Variants in IL1RAPL2 observed in about 807,000 individuals in gnomAD.
IL1RAPL2 encodes X-linked interleukin-1 receptor accessory protein-like 2.
Under a neutral mutation model 44.1 loss-of-function variants are expected in IL1RAPL2, and 3 were observed. That is an observed-to-expected ratio of 0.07 (90% CI 0.03 to 0.18). The LOEUF is 0.18. IL1RAPL2 is among the 10% of genes least tolerant of loss of function. The pLI is 1.00. For synonymous variants in IL1RAPL2, 181 were observed against 178.8 expected (o/e 1.01, Z -0.10); for missense variants, 391 against 496.4 (o/e 0.79, Z 2.02).
intron 2 of IL1RAPL2, among the ~76,000 whole-genome samples, chrX:105,047,109 A>G (rs2031849514): frequency 1.8e-5 from 2 of 111,343 alleles, no homozygotes; most frequent in African/African-American, 6.5e-5. Flanking sequence ...AGCTTGAGCT[A>G]CGTTCTTTCT....
chrX:105,526,824 G>A (rs985102295), intron 6 of IL1RAPL2, among the ~76,000 whole-genome samples: 3 of 111,509 alleles, frequency 2.7e-5, no homozygotes, highest in Admixed American at 9.6e-5. Context: ...TCTTTGTATT[G>A]TCTGGTTCTT....
intron 2 of IL1RAPL2, among the ~76,000 whole-genome samples, chrX:105,014,138 G>A (rs955644612): frequency 1.8e-5 from 2 of 111,416 alleles, no homozygotes; most frequent in Non-Finnish European, 3.8e-5. Flanking sequence ...AGCCCTTGAT[G>A]TTATAAAAAT....
At chrX:105,205,339 G>A (rs187650747) in intron 3 of IL1RAPL2, among the ~76,000 whole-genome samples, 51 of 108,621 alleles carry the variant, frequency 4.7e-4, no homozygotes, top group East Asian at 3.5e-3. Context: ...CTGTAATCCC[G>A]GCACTTTGGG....
intron 6 of IL1RAPL2, among the ~76,000 whole-genome samples, chrX:105,652,628 ATT>A (rs2037649334): frequency 9.0e-6 from 1 of 111,315 alleles, no homozygotes; most frequent in African/African-American, 3.3e-5. Flanking sequence ...TTCAGAGTTC[ATT>A]TCTAATAGCT....
chrX:105,447,889 AATAT>A (rs1185844070), intron 5 of IL1RAPL2, among the ~76,000 whole-genome samples: 2 of 94,887 alleles, frequency 2.1e-5, no homozygotes, highest in Non-Finnish European at 4.0e-5. Context: ...TAAATATATA[AATAT>A]ATATAAATAT....
intron 2 of IL1RAPL2, among the ~76,000 whole-genome samples, chrX:105,020,622 T>C (rs2031268603): frequency 8.9e-6 from 1 of 112,077 alleles, no homozygotes; most frequent in Non-Finnish European, 1.9e-5. Context: ...ATGTATGTAG[T>C]AAGGGCTCAA....
chrX:104,814,498 G>A (rs1921083795), intron 2 of IL1RAPL2, among the ~76,000 whole-genome samples: 1 of 112,277 alleles, frequency 8.9e-6, no homozygotes, highest in Admixed American at 9.4e-5. Context: ...AAAATTGCAG[G>A]CATGCAGTTT....
chrX:105,233,755 T>C, intron 3 of IL1RAPL2, 63 bp from the exon 4 acceptor site: 3 of 936,951 alleles, frequency 3.2e-6, no homozygotes, highest in Non-Finnish European at 4.5e-6. Flanking sequence ...TTGAAATATA[T>C]AGAGCACAAA....
chrX:104,968,744 C>T (rs757548591), intron 2 of IL1RAPL2, among the ~76,000 whole-genome samples: 5 of 110,339 alleles, frequency 4.5e-5, no homozygotes, highest in Admixed American at 1.9e-4. Flanking sequence ...AAAAAAACCG[C>T]GTATAATTGC....
intron 2 of IL1RAPL2, among the ~76,000 whole-genome samples, chrX:105,050,785 C>T (rs73520231): frequency 0.084 from 9,394 of 111,872 alleles, 1,017 homozygotes; most frequent in African/African-American, 0.29. Flanking sequence ...TGAAGGCAGG[C>T]CATCCCCTGA....
At chrX:105,724,760 T>A (rs1166464779) in intron 7 of IL1RAPL2, among the ~76,000 whole-genome samples, 1 of 112,301 alleles carries the variant, frequency 8.9e-6, no homozygotes, top group Non-Finnish European at 1.9e-5. Context: ...AGCTCTACCA[T>A]GTTTATTCAG....
intron 2 of IL1RAPL2, among the ~76,000 whole-genome samples, chrX:104,789,443 A>G (rs750187514): frequency 2.7e-5 from 3 of 111,399 alleles, no homozygotes; most frequent in Non-Finnish European, 5.7e-5. Flanking sequence ...TGTGTTTAGA[A>G]ATTGTTATCC....
At chrX:105,035,297 A>C (rs1014761888) in intron 2 of IL1RAPL2, among the ~76,000 whole-genome samples, 2 of 111,899 alleles carry the variant, frequency 1.8e-5, no homozygotes, top group African/African-American at 6.5e-5. Context: ...CTGGTACCTC[A>C]GATGGAAATG....
chrX:104,584,547 T>C (rs1298733547), intron 1 of IL1RAPL2, among the ~76,000 whole-genome samples: 1 of 110,457 alleles, frequency 9.1e-6, no homozygotes, highest in Non-Finnish European at 1.9e-5. Flanking sequence ...GTAACAAGTA[T>C]AAGGCTTAAG....
At chrX:105,523,937 G>A (rs1013282571) in intron 6 of IL1RAPL2, among the ~76,000 whole-genome samples, 20 of 111,553 alleles carry the variant, frequency 1.8e-4, no homozygotes, top group Middle Eastern at 4.6e-3. Context: ...TCTGAAATGA[G>A]CAAACCAAGA....
At chrX:104,910,839 G>C (rs753604637) in intron 2 of IL1RAPL2, among the ~76,000 whole-genome samples, 1 of 111,923 alleles carries the variant, frequency 8.9e-6, no homozygotes, top group African/African-American at 3.2e-5. Context: ...TATATTTTCA[G>C]ATCTTCCTTA....
chrX:104,585,336 T>TTATATAACA (rs1928521020), intron 1 of IL1RAPL2, among the ~76,000 whole-genome samples: 1 of 17,650 alleles, frequency 5.7e-5, no homozygotes, highest in Non-Finnish European at 7.8e-5. Flanking sequence ...ATAATATATA[T>TTATATAACA]TATATATTAT....
At chrX:104,855,680 C>CTTTTTTTTTTTTTTTTTTTTTTT (rs1304044009) in intron 2 of IL1RAPL2, among the ~76,000 whole-genome samples, 1 of 53,778 alleles carries the variant, frequency 1.9e-5, no homozygotes, top group African/African-American at 6.3e-5. Flanking sequence ...GATCTGGATC[C>CTTTTTTTTTTTTTTTTTTTTTTT]GTTTTTTTTT....
rs150195949 is a variant in IL1RAPL2 at position 104,613,081 on chromosome X, T to C, written c.-19-45814T>C. Among the ~76,000 whole-genome samples the C allele has an allele frequency of 1.2e-4, 14 of 112,202 alleles. No homozygotes were observed. The East Asian group carries it at 3.9e-3, about 31-fold the overall frequency. On this transcript the variant is annotated intron_variant, in intron 1 of 10. Coordinates refer to ENST00000372582, the MANE Select transcript of IL1RAPL2 (RefSeq NM_017416.2). ...TTCCACGAATATTTTGACAGAGTCT[T>C]TAGGGTTTTCTAGGTATAGAATTAT...
Sources: gnomAD v4.1 joint callset for allele counts (sites outside exome capture counted in the v4.1 genomes callset) on GRCh38, gnomAD v4.1.1 for gene constraint, MANE v1.5 for transcripts, NCBI Gene and HGNC (gene_info 2026-07-23, HGNC 2026-07-21) for gene names.